Variants in ZMAT1 observed in about 807,000 individuals in gnomAD.
ZMAT1 encodes zinc finger matrin-type protein 1.
In ZMAT1, 11 loss-of-function variants were observed where a neutral mutation model predicts 18.5. The observed-to-expected ratio is 0.59, with a 90% CI of 0.37 to 0.98. ZMAT1 has a LOEUF of 0.98. Among genes scored for constraint, ZMAT1 ranks in the 50% least tolerant of loss-of-function variants. The pLI, the probability that ZMAT1 is intolerant of heterozygous loss-of-function variation, is 0.01. For synonymous variants in ZMAT1, 211 were observed against 176.4 expected, an observed-to-expected ratio of 1.20 and a Z score of -1.55; for missense variants, 525 against 496.2, an observed-to-expected ratio of 1.06 and a Z score of -0.55.
intron 4 of ZMAT1, chrX:101,894,984 G>A (rs1259578924): frequency 1.9e-6 from 1 of 540,045 alleles, no homozygotes; most frequent in Admixed American, 9.1e-5. Flanking sequence ...TCTTTACTGT[G>A]CCTGAATTCT....
chrX:101,921,604 T>G (rs1929732297), intron 1 of ZMAT1, among the ~76,000 whole-genome samples: 1 of 112,219 alleles, frequency 8.9e-6, no homozygotes, highest in Non-Finnish European at 1.9e-5. Flanking sequence ...TAACTAGCTG[T>G]GTGACTAAGA....
At position 101,913,351 on chromosome X, in the gene ZMAT1, C is replaced by A. The variant is rs369415427; in HGVS notation, c.293-9021G>T. On this transcript the variant is annotated intron_variant, in intron 1 of 5. Transcript: ENST00000651725. The stretch of plus-strand genomic sequence containing the variant: ...AAGTCCTTACTTATCAATAATAATA[C>A]TGAAGGTAAATGGACTAAACTTCCC... Among the ~76,000 whole-genome samples, 29 of 111,368 alleles carry A rather than the reference C, an allele frequency of 2.6e-4. 3 individuals carry two copies. The highest frequency in any genetic ancestry group is 2.3e-3 in the East Asian group (8 of 3,531).
At chrX:101,898,620 A>G (rs191257209) in intron 2 of ZMAT1, among the ~76,000 whole-genome samples, 1 of 111,885 alleles carries the variant, frequency 8.9e-6, no homozygotes, top group African/African-American at 3.3e-5. Flanking sequence ...GCCTCCTTAA[A>G]TGACTGGGCC....
intron 1 of ZMAT1, 148 bp downstream of exon 1, chrX:101,931,569 G>T: frequency 1.4e-6 from 1 of 692,835 alleles, no homozygotes; most frequent in Non-Finnish European, 1.7e-6. Flanking sequence ...TAATACGGCG[G>T]GGCGGGGCGG....
At chrX:101,885,786 T>G (rs2362752) in intron 5 of ZMAT1, among the ~76,000 whole-genome samples, 4 of 109,202 alleles carry the variant, frequency 3.7e-5, no homozygotes, top group African/African-American at 1.3e-4. Context: ...TGGACTCAAG[T>G]GATCCTCCTA....
intron 1 of ZMAT1, among the ~76,000 whole-genome samples, chrX:101,926,907 T>C (rs1018520226): frequency 2.7e-5 from 3 of 112,162 alleles, no homozygotes; most frequent in Admixed American, 9.5e-5. Context: ...CTGATCTTGA[T>C]GCAAAAACAT....
At chrX:101,891,474 T>G (rs1401672319) in intron 4 of ZMAT1, among the ~76,000 whole-genome samples, 1 of 110,104 alleles carries the variant, frequency 9.1e-6, no homozygotes, top group Non-Finnish European at 1.9e-5. Context: ...TATACAGGAG[T>G]ATGAAAGGCA....
chrX:101,886,765 A>G (rs1260754614), intron 4 of ZMAT1, 34 bp from the exon 5 acceptor site: 7 of 996,358 alleles, frequency 7.0e-6, no homozygotes, highest in Non-Finnish European at 9.8e-6. Flanking sequence ...TAAGAAGGTC[A>G]GTATAAATAC....
At chrX:101,905,598 T>C (rs1489943260) in intron 1 of ZMAT1, among the ~76,000 whole-genome samples, 1 of 111,729 alleles carries the variant, frequency 9.0e-6, no homozygotes, top group Non-Finnish European at 1.9e-5. Context: ...ATTAAATATA[T>C]GCACATATAT....
At chrX:101,926,273 T>C (rs1308475617) in intron 1 of ZMAT1, among the ~76,000 whole-genome samples, 4 of 112,191 alleles carry the variant, frequency 3.6e-5, no homozygotes. Context: ...CCAGAATATC[T>C]GCCTTCAATG....
chrX:101,913,472 C>T (rs1929095670), intron 1 of ZMAT1, among the ~76,000 whole-genome samples: 2 of 111,540 alleles, frequency 1.8e-5, no homozygotes, highest in Non-Finnish European at 3.8e-5. Context: ...GACACACAGA[C>T]TGAAAATGAA....
chrX:101,896,006 G>A, intron 4 of ZMAT1: 1 of 176,409 alleles, frequency 5.7e-6, no homozygotes, highest in Non-Finnish European at 8.9e-6. Context: ...TTTTTCAACA[G>A]ACAGCTGCTG....
rs184144222 is a variant in ZMAT1, at chrX:101,915,531, T to C, written c.293-11201A>G. ...AACAAAATCAACATACAAAAAGGAC[T>C]AGCATTTCTATATGCCAACAATGAA... On this transcript the variant is annotated intron_variant, in intron 1 of 5. Transcript: ENST00000651725. The C allele has an allele frequency of 7.2e-5, 8 of 111,793 alleles. No homozygotes were observed. The Admixed American group carries it at 7.6e-4, about 11-fold the overall frequency. 9.2% of individuals were successfully genotyped at this position (111,793 alleles called of 1,213,427 possible).
intron 1 of ZMAT1, among the ~76,000 whole-genome samples, chrX:101,910,075 A>AG (rs1928858313): frequency 1.8e-5 from 2 of 112,672 alleles, no homozygotes; most frequent in Non-Finnish European, 3.8e-5. Flanking sequence ...GACTCAGAAC[A>AG]GACAGAGACT....
At chrX:101,896,642 T>C (rs1927828091) in intron 4 of ZMAT1, among the ~76,000 whole-genome samples, 1 of 112,459 alleles carries the variant, frequency 8.9e-6, no homozygotes, top group African/African-American at 3.2e-5. Context: ...AAAATTGATG[T>C]TGGTGAATTT....
At chrX:101,889,847 C>T (rs1267450344) in intron 4 of ZMAT1, 1 of 111,771 alleles carries the variant, frequency 8.9e-6, no homozygotes, top group African/African-American at 3.2e-5. Context: ...ACTTATATAA[C>T]GAACCTTCAC....
intron 1 of ZMAT1, among the ~76,000 whole-genome samples, chrX:101,922,290 G>A (rs1929780586): frequency 9.0e-6 from 1 of 111,714 alleles, no homozygotes; most frequent in Non-Finnish European, 1.9e-5. Flanking sequence ...ACTTGGAGAG[G>A]TTAAACAGTT....
intron 1 of ZMAT1, among the ~76,000 whole-genome samples, chrX:101,928,586 T>C (rs986618400): frequency 6.2e-5 from 7 of 112,747 alleles, no homozygotes; most frequent in African/African-American, 2.3e-4. Context: ...CTCCATCTCC[T>C]GACCTCGCGA....
intron 5 of ZMAT1, among the ~76,000 whole-genome samples, chrX:101,886,068 C>G (rs184014714): frequency 1.8e-5 from 2 of 112,117 alleles, no homozygotes; most frequent in Admixed American, 1.9e-4. Context: ...CAATTCTCCT[C>G]TCCTTGAAAT....
Sources: allele counts gnomAD v4.1 joint callset (sites outside exome capture counted in the v4.1 genomes callset), GRCh38; gene constraint gnomAD v4.1.1; transcripts MANE v1.5; gene names NCBI Gene and HGNC (gene_info 2026-07-23, HGNC 2026-07-21).